RB1: variants seen among roughly 807,000 people sequenced by gnomAD.
RB1 encodes RB transcriptional corepressor 1, also known as retinoblastoma-associated protein.
Under a neutral mutation model 135.4 loss-of-function variants are expected in RB1, and 18 were observed. The ratio of observed to expected loss-of-function variants is 0.13; its 90% confidence interval spans 0.09 to 0.20. The LOEUF (loss-of-function observed/expected upper bound fraction) is 0.20, where lower values mean the gene tolerates loss of function less well. Among genes scored for constraint, RB1 ranks in the 10% least tolerant of loss-of-function variants. The pLI, the probability that RB1 is intolerant of heterozygous loss-of-function variation, is 1.00. For missense variants in RB1, 868 were observed against 1,110.0 expected (o/e 0.78, Z 3.10); for synonymous variants, 365 against 373.2 (o/e 0.98, Z 0.25).
chr13:48,362,147 C>T (rs1316840338), intron 7 of RB1, among the ~76,000 whole-genome samples: 2 of 151,838 alleles, frequency 1.3e-5, no homozygotes, highest in Non-Finnish European at 2.9e-5. Context: ...GGGGTTTCAC[C>T]GTGTTGGCCA....
At chr13:48,412,561 C>G (rs948024662) in intron 17 of RB1, 3 of 686,282 alleles carry the variant, frequency 4.4e-6, no homozygotes, top group Non-Finnish European at 7.9e-6. Flanking sequence ...TAAATATTTC[C>G]TTTTTCTCAG....
chr13:48,446,705 C>G (rs1401965054), intron 17 of RB1, among the ~76,000 whole-genome samples: 7 of 152,018 alleles, frequency 4.6e-5, no homozygotes, highest in African/African-American at 1.7e-4. Context: ...GAGGAAACAG[C>G]AAGTACAAAA....
At chr13:48,413,666 G>A (rs1169201628) in intron 17 of RB1, among the ~76,000 whole-genome samples, 1 of 152,052 alleles carries the variant, frequency 6.6e-6, no homozygotes, top group Non-Finnish European at 1.5e-5. Flanking sequence ...TTTTTGATAA[G>A]CAATTTTCTA....
At chr13:48,448,973 CT>C (rs1949308296) in intron 17 of RB1, among the ~76,000 whole-genome samples, 1 of 152,046 alleles carries the variant, frequency 6.6e-6, no homozygotes, top group Non-Finnish European at 1.5e-5. Context: ...TTGCTAATGG[CT>C]TTTTTAAAAC....
intron 9 of RB1, among the ~76,000 whole-genome samples, 158 bp downstream of exon 9, chr13:48,365,129 T>C (rs926486199): frequency 6.6e-6 from 1 of 152,168 alleles, no homozygotes; most frequent in Non-Finnish European, 1.5e-5. Context: ...AACTTTTGTA[T>C]AGTAACAAAA....
intron 10 of RB1, among the ~76,000 whole-genome samples, chr13:48,368,275 T>A (rs1046640896): frequency 7.2e-5 from 11 of 152,106 alleles, no homozygotes; most frequent in African/African-American, 2.7e-4. Context: ...CTTTCACTTT[T>A]AAAAAAAGAC....
intron 6 of RB1, among the ~76,000 whole-genome samples, chr13:48,359,124 G>A (rs1212186676): frequency 1.3e-5 from 2 of 151,968 alleles, no homozygotes; most frequent in African/African-American, 4.8e-5. Context: ...TAAAAATAAT[G>A]TATGACATGG....
chr13:48,394,015 G>C (rs562618276), intron 17 of RB1, among the ~76,000 whole-genome samples: 1 of 152,320 alleles, frequency 6.6e-6, no homozygotes, highest in Admixed American at 6.5e-5. Context: ...GATCAACCCA[G>C]AAGGCAGGTG....
rs1435948022 is a variant in RB1 at position 48,480,477 on chromosome 13, TTTTAA to T, written c.*412_*416del. ...TTTTTATTAATTTATATGTATATTT[TTTTAA>T]TTTAACATGAACACCCTTAGAAAAT... On this transcript the variant is annotated 3_prime_UTR_variant, in exon 27 of 27. Coordinates refer to ENST00000267163, the MANE Select transcript of RB1 (RefSeq NM_000321.3). 3 of 235,796 alleles carry T rather than the reference TTTTAA, an allele frequency of 1.3e-5. No individual in the cohort carries two copies. Among genetic ancestry groups the T allele is most frequent in the African/African-American group, 2.2e-5 (1 of 45,204 alleles). 14.6% of individuals were successfully genotyped at this position (235,796 alleles called of 1,614,324 possible). A position where few individuals can be genotyped will look rare whatever the true frequency, so the allele number is the denominator to read the frequency against.
chr13:48,477,269 G>A (rs1949509711), intron 25 of RB1, 86 bp from the exon 26 acceptor site: 3 of 922,070 alleles, frequency 3.3e-6, no homozygotes, highest in South Asian at 2.9e-5. Flanking sequence ...CATAAAGTAA[G>A]TCATCGAAAG....
At chr13:48,328,442 G>A (rs1593426777) in intron 2 of RB1, 1 of 1,087,308 alleles carries the variant, frequency 9.2e-7, no homozygotes, top group East Asian at 2.4e-5. Flanking sequence ...GAGGTCTGCA[G>A]CTTCTTCTTC....
intron 1 of RB1, among the ~76,000 whole-genome samples, chr13:48,305,617 A>C (rs1374071109): frequency 6.6e-6 from 1 of 151,930 alleles, no homozygotes; most frequent in Non-Finnish European, 1.5e-5. Flanking sequence ...TTTTTAACTC[A>C]TTTTATATAT....
intron 24 of RB1, chr13:48,476,306 T>C (rs905869079): frequency 1.9e-5 from 4 of 212,954 alleles, no homozygotes; most frequent in African/African-American, 9.4e-5. Context: ...TTCCTTCTGG[T>C]TGTATAATAG....
At chr13:48,440,061 A>G (rs531225920) in intron 17 of RB1, among the ~76,000 whole-genome samples, 1 of 152,254 alleles carries the variant, frequency 6.6e-6, no homozygotes, top group East Asian at 1.9e-4. Context: ...GGATTACATT[A>G]GAATCTGCTT....
chr13:48,353,985 C>G (rs1289754272), intron 6 of RB1, among the ~76,000 whole-genome samples: 1 of 152,038 alleles, frequency 6.6e-6, no homozygotes, highest in East Asian at 1.9e-4. Flanking sequence ...TAGTATAATA[C>G]TTAATGGGGA....
chr13:48,317,848 C>T (rs890237168), intron 2 of RB1: 11 of 378,548 alleles, frequency 2.9e-5, no homozygotes, highest in East Asian at 6.7e-5. Flanking sequence ...CGGTGGGGCC[C>T]GCTCCTTCCT....
intron 17 of RB1, among the ~76,000 whole-genome samples, chr13:48,385,416 T>C (rs575499891): frequency 6.6e-6 from 1 of 152,138 alleles, no homozygotes; most frequent in South Asian, 2.1e-4. Context: ...CAGATGCTAG[T>C]TGAGAAAGAG....
chr13:48,393,309 C>A (rs1438075590), intron 17 of RB1, among the ~76,000 whole-genome samples: 1 of 152,202 alleles, frequency 6.6e-6, no homozygotes, highest in South Asian at 2.1e-4. Context: ...TTTGCCTTGG[C>A]ATCTCCCATT....
Position 48,313,516 on chromosome 13 carries a change from G to GT in RB1, c.264+6119dup, listed in dbSNP as rs201399495. ...GGTTTTTAGTTCTTGTCAGTCTTGGGTTTTTTTTTGTTTTTTTTTTTTGAG... is the reference window on the plus strand; with the variant it reads ...GGTTTTTAGTTCTTGTCAGTCTTGGGTTTTTTTTTTGTTTTTTTTTTTTGAG... On this transcript the variant is annotated intron_variant, in intron 2 of 26. Transcript: ENST00000267163. 5.8e-3 allele frequency among the ~76,000 whole-genome samples: 833 copies of GT among 143,078 alleles called. 4 individuals are homozygous for GT. Among genetic ancestry groups the GT allele is most frequent in the Non-Finnish European group, 9.1e-3 (599 of 65,574 alleles). The allele number at this position is 143,078 out of a possible 152,430, so 93.9% of individuals were successfully genotyped here.
Sources: allele counts gnomAD v4.1 joint callset (sites outside exome capture counted in the v4.1 genomes callset), GRCh38; gene constraint gnomAD v4.1.1; transcripts MANE v1.5; gene names NCBI Gene and HGNC (gene_info 2026-07-23, HGNC 2026-07-21).